LHPP: variants seen among roughly 807,000 people sequenced by gnomAD.
LHPP encodes the protein phospholysine phosphohistidine inorganic pyrophosphate phosphatase, also known as hLHPP.
A neutral mutation model predicts 30.3 loss-of-function variants in LHPP; 24 were observed. That is an observed-to-expected ratio of 0.79 (90% confidence interval 0.57 to 1.11). The LOEUF is 1.11. Among genes scored for constraint, LHPP ranks in the 50% most tolerant of loss-of-function variants. The pLI is 0.00. For missense variants in LHPP, 356 were observed against 367.2 expected (o/e 0.97, Z 0.25); for synonymous variants, 150 against 157.1 (o/e 0.95, Z 0.34).
chr10:124,520,919 G>A (rs375789009), intron 6 of LHPP, among the ~76,000 whole-genome samples: 76 of 152,274 alleles, frequency 5.0e-4, no homozygotes, highest in African/African-American at 1.7e-3. Context: ...TTTTTATATC[G>A]GCTGCATGTT....
intron 6 of LHPP, among the ~76,000 whole-genome samples, chr10:124,546,712 T>C (rs934722565): frequency 6.6e-6 from 1 of 152,194 alleles, no homozygotes; most frequent in Non-Finnish European, 1.5e-5. Context: ...GCCCGCCTCA[T>C]GCGGTTGTAT....
chr10:124,474,132 CTTTTTTT>C (rs544464876), intron 1 of LHPP, among the ~76,000 whole-genome samples: 8 of 71,902 alleles, frequency 1.1e-4, no homozygotes, highest in East Asian at 8.5e-4. Context: ...TTGCTTTGCC[CTTTTTTT>C]TTTTTTTTTT....
chr10:124,564,428 T>C (rs1460322269), intron 6 of LHPP, among the ~76,000 whole-genome samples: 2 of 151,792 alleles, frequency 1.3e-5, no homozygotes, highest in Non-Finnish European at 2.9e-5. Context: ...CGGCCAATTT[T>C]TTTTTTTATA....
intron 6 of LHPP, among the ~76,000 whole-genome samples, chr10:124,610,995 A>AGGGTGC (rs1554899381): frequency 2.8e-5 from 1 of 35,882 alleles, no homozygotes; most frequent in Non-Finnish European, 6.4e-5. Flanking sequence ...GGAGCGGGTG[A>AGGGTGC]GGGTGTTAAT....
intron 3 of LHPP, among the ~76,000 whole-genome samples, chr10:124,488,932 T>C (rs1437519368): frequency 1.3e-5 from 2 of 152,094 alleles, no homozygotes; most frequent in African/African-American, 4.8e-5. Context: ...GCATAGGATG[T>C]AGCAGGGTGT....
intron 1 of LHPP, among the ~76,000 whole-genome samples, chr10:124,471,490 T>A (rs56247406): frequency 8.9e-3 from 7 of 784 alleles, no homozygotes; most frequent in Non-Finnish European, 0.047. Flanking sequence ...ATTTATATAT[T>A]TATATATATT....
intron 6 of LHPP, among the ~76,000 whole-genome samples, chr10:124,556,796 C>T (rs1368437336): frequency 2.0e-5 from 3 of 152,200 alleles, no homozygotes; most frequent in Admixed American, 2.0e-4. Context: ...TCCTCAGTCG[C>T]TGATATTTGT....
intron 6 of LHPP, among the ~76,000 whole-genome samples, chr10:124,530,511 C>G (rs1016305915): frequency 3.4e-5 from 5 of 148,212 alleles, no homozygotes; most frequent in African/African-American, 1.3e-4. Flanking sequence ...CACTCTCATG[C>G]TGGCCTCATA....
intron 5 of LHPP, among the ~76,000 whole-genome samples, chr10:124,516,679 CTG>C (rs1176388991): frequency 6.6e-6 from 1 of 152,054 alleles, no homozygotes; most frequent in Non-Finnish European, 1.5e-5. Context: ...AGCATTTCCT[CTG>C]TGTGTGTGTG....
intron 6 of LHPP, among the ~76,000 whole-genome samples, chr10:124,585,157 G>T (rs1411118640): frequency 6.6e-6 from 1 of 152,058 alleles, no homozygotes; most frequent in Admixed American, 6.5e-5. Context: ...CTTGTATTTT[G>T]TAGTGTTCAC....
intron 1 of LHPP, among the ~76,000 whole-genome samples, chr10:124,471,480 ATT>A (rs1952744819): frequency 4.8e-4 from 1 of 2,104 alleles, no homozygotes; most frequent in African/African-American, 5.8e-4. Flanking sequence ...TATTATATAT[ATT>A]TATATATTTA....
intron 6 of LHPP, among the ~76,000 whole-genome samples, chr10:124,524,768 G>C (rs529661990): frequency 2.6e-5 from 4 of 152,136 alleles, no homozygotes; most frequent in Non-Finnish European, 5.9e-5. Flanking sequence ...GGAGGTCCAC[G>C]AGGCTGCAGT....
At chr10:124,588,499 G>A (rs1160794892) in intron 6 of LHPP, among the ~76,000 whole-genome samples, 1 of 152,144 alleles carries the variant, frequency 6.6e-6, no homozygotes, top group Non-Finnish European at 1.5e-5. Context: ...GACCAGACTA[G>A]TCTTGAACTC....
chr10:124,466,542 T>C (rs1952557345), intron 1 of LHPP, among the ~76,000 whole-genome samples: 1 of 152,146 alleles, frequency 6.6e-6, no homozygotes, highest in South Asian at 2.1e-4. Context: ...CTGTAACCTC[T>C]GCCTCCTGGG....
intron 6 of LHPP, among the ~76,000 whole-genome samples, chr10:124,581,342 G>A (rs1178553945): frequency 6.6e-6 from 1 of 152,198 alleles, no homozygotes. Context: ...TGGCTATTGT[G>A]AGTAATGCTG....
chr10:124,467,129 A>C (rs997056440), intron 1 of LHPP, among the ~76,000 whole-genome samples: 1 of 151,828 alleles, frequency 6.6e-6, no homozygotes, highest in East Asian at 1.9e-4. Context: ...AAAAAAAAAA[A>C]CCATTGTTTT....
At chr10:124,563,313 CTTT>C (rs58678509) in intron 6 of LHPP, among the ~76,000 whole-genome samples, 2 of 138,990 alleles carry the variant, frequency 1.4e-5, no homozygotes, top group African/African-American at 2.7e-5. Flanking sequence ...CTCTCTTTTT[CTTT>C]TTTTTTTTTT....
chr10:124,491,531 G>C (rs1953528283), intron 3 of LHPP, among the ~76,000 whole-genome samples: 2 of 152,246 alleles, frequency 1.3e-5, no homozygotes, highest in African/African-American at 4.8e-5. Context: ...CAGCCATTGA[G>C]TGCTGATAGG....
intron 6 of LHPP, among the ~76,000 whole-genome samples, chr10:124,599,319 A>G (rs1328745959): frequency 6.6e-6 from 1 of 152,066 alleles, no homozygotes; most frequent in South Asian, 2.1e-4. Context: ...AGCACCTGCC[A>G]TGCCCACGAC....
Sources: allele counts gnomAD v4.1 joint callset (sites outside exome capture counted in the v4.1 genomes callset), GRCh38; gene constraint gnomAD v4.1.1; transcripts MANE v1.5; gene names NCBI Gene and HGNC (gene_info 2026-07-23, HGNC 2026-07-21).